The following SYT3 variants were observed in gnomAD, a reference collection of about 807,000 sequenced individuals.
SYT3 encodes synaptotagmin 3, also known as synaptotagmin-3.
Under a neutral mutation model 50.6 loss-of-function variants are expected in SYT3, and 25 were observed. The ratio of observed to expected loss-of-function variants is 0.49; its 90% CI spans 0.36 to 0.69. The LOEUF (loss-of-function observed/expected upper bound fraction) is 0.69, where lower values mean the gene tolerates loss of function less well. Among genes scored for constraint, SYT3 ranks in the 30% least tolerant of loss-of-function variants. SYT3 has a pLI of 0.00. For missense variants in SYT3, 589 were observed against 793.6 expected (o/e 0.74, Z 3.10); for synonymous variants, 323 against 353.9 (o/e 0.91, Z 0.98).
At chr19:50,649,664 G>A in the SYT3 span, 1 of 886,848 alleles carries the variant, frequency 1.1e-6, no homozygotes, top group South Asian at 1.4e-5. Flanking sequence ...TTCCTGGAGA[G>A]CGGCCCCCTT....
Position 50,632,696 on chromosome 19 carries a change from G to T in SYT3, c.264C>A (p.Gly88=). The T allele has an allele frequency of 6.3e-7, 1 of 1,592,120 alleles. No individual in the cohort carries two copies. Among genetic ancestry groups the T allele is most frequent in the South Asian group, 1.1e-5 (1 of 89,922 alleles). The change falls in exon 4 of 11, where the codon GGC becomes GGA. Residue 88 remains glycine, a synonymous_variant. Transcript: ENST00000600079. This position sits in a 1 kb window ranked among gnomAD's most constrained non-coding sequence, Gnocchi z 4.7. ...LCWVPWRDKG[G]SAVGGGPLRK... is the part of the protein sequence containing the mutation. Reference sequence around the variant, plus strand: ...GCAGGGGGCCACCGCCCACTGCCGAGCCTCCCTTGTCCCGCCAGGGCACCC... The same window carrying T: ...GCAGGGGGCCACCGCCCACTGCCGATCCTCCCTTGTCCCGCCAGGGCACCC...
chr19:50,631,415 C>T (rs1225722130), intron 4 of SYT3, among the ~76,000 whole-genome samples: 3 of 152,046 alleles, frequency 2.0e-5, no homozygotes, highest in Non-Finnish European at 2.9e-5. Flanking sequence ...CTGCCCACTT[C>T]GGCCTCCCAA....
In SYT3 at chr19:50,637,494, G is replaced by A. The variant is rs919035069; in HGVS notation, c.-15-68C>T. The A allele has an allele frequency of 1.1e-5, 16 of 1,424,206 alleles. No individual in the cohort carries two copies. Among genetic ancestry groups the A allele is most frequent in the Non-Finnish European group, 1.5e-5 (16 of 1,044,814 alleles). 88.2% of individuals were successfully genotyped at this position (1,424,206 alleles called of 1,614,324 possible). A position where few individuals can be genotyped will look rare whatever the true frequency, so the allele number is the denominator to read the frequency against. On this transcript the variant is annotated intron_variant, in intron 2 of 10. Transcript: ENST00000600079. The surrounding 1 kb of genome is among the most constrained non-coding windows in gnomAD (Gnocchi z 4.9). Reference sequence around the variant, plus strand: ...GAATGGGAGTGCAGGGTGGGCAGGTGTGGAGATAAGGGTGGAAAGAGACAC... The same window carrying A: ...GAATGGGAGTGCAGGGTGGGCAGGTATGGAGATAAGGGTGGAAAGAGACAC...
At chr19:50,656,186 C>A in the SYT3 span, 4 of 1,536,114 alleles carry the variant, frequency 2.6e-6, no homozygotes, top group South Asian at 3.6e-5. Flanking sequence ...GGCAGTGAAC[C>A]CTGACCTCAG....
At chr19:50,652,736 G>A in the SYT3 span, among the ~76,000 whole-genome samples, 2 of 152,154 alleles carry the variant, frequency 1.3e-5, no homozygotes, top group East Asian at 3.8e-4. Flanking sequence ...TCCTGGGAGG[G>A]TTTTGAGGAA....
At chr19:50,634,264 C>G (rs1422479299) in intron 3 of SYT3, among the ~76,000 whole-genome samples, 1 of 152,172 alleles carries the variant, frequency 6.6e-6, no homozygotes, top group Non-Finnish European at 1.5e-5. Flanking sequence ...TCCTGACAGA[C>G]AGTGGGTTAT....
At chr19:50,642,348 C>T (rs371277962), upstream of SYT3, among the ~76,000 whole-genome samples, 70 of 152,372 alleles carry the variant, frequency 4.6e-4, 1 homozygote, top group African/African-American at 5.3e-4. Context: ...TCCAAAGAGA[C>T]GCTCGGATTC....
At chr19:50,631,502 G>A (rs994337427) in intron 4 of SYT3, among the ~76,000 whole-genome samples, 1 of 152,094 alleles carries the variant, frequency 6.6e-6, no homozygotes, top group African/African-American at 2.4e-5. Flanking sequence ...TCATGCCTTG[G>A]TGACTAAGGC....
chr19:50,656,278 C>G, the SYT3 span: 1 of 1,536,074 alleles, frequency 6.5e-7, no homozygotes, highest in Admixed American at 2.0e-5. Context: ...GGACCGAGAA[C>G]TCCCGTGCAT....
At chr19:50,630,294 C>G in intron 4 of SYT3, 123 bp from the exon 5 acceptor site, 1 of 1,005,096 alleles carries the variant, frequency 9.9e-7, no homozygotes, top group Admixed American at 3.0e-5. Context: ...CCACAAGTCC[C>G]CTCCTTTGCT....
chr19:50,656,085 A>T, the SYT3 span: 1 of 1,536,016 alleles, frequency 6.5e-7, no homozygotes, highest in Non-Finnish European at 8.7e-7. Flanking sequence ...CCCAGAGGAG[A>T]TGCAGGCTCG....
chr19:50,646,068 A>T, the SYT3 span, among the ~76,000 whole-genome samples: 2 of 152,180 alleles, frequency 1.3e-5, no homozygotes, highest in South Asian at 4.1e-4. Context: ...GCAGAGAGAG[A>T]TGCAGAGGAG....
At chr19:50,630,284 C>T in intron 4 of SYT3, 113 bp from the exon 5 acceptor site, 1 of 1,081,752 alleles carries the variant, frequency 9.2e-7, no homozygotes, top group Admixed American at 3.0e-5. Context: ...AGCCAGGTGG[C>T]CACAAGTCCC....
At chr19:50,649,750 T>C in the SYT3 span, 4 of 637,172 alleles carry the variant, frequency 6.3e-6, no homozygotes, top group African/African-American at 5.4e-5. Context: ...ACATTTCCCA[T>C]GAGCCTCTGG....
chr19:50,635,401 A>G (rs1984465387), intron 3 of SYT3, among the ~76,000 whole-genome samples: 1 of 152,206 alleles, frequency 6.6e-6, no homozygotes, highest in Non-Finnish European at 1.5e-5. Flanking sequence ...CAAAACATGA[A>G]TCCCACAAAC....
chr19:50,648,992 C>G, the SYT3 span, among the ~76,000 whole-genome samples: 16 of 150,156 alleles, frequency 1.1e-4, no homozygotes, highest in African/African-American at 2.7e-4. Flanking sequence ...CAAGGAGGGA[C>G]GGGGGCCTGG....
chr19:50,636,639 TG>T (rs1375521530), intron 3 of SYT3, among the ~76,000 whole-genome samples: 5 of 152,348 alleles, frequency 3.3e-5, no homozygotes, highest in African/African-American at 1.2e-4. Flanking sequence ...TGTGTGACCT[TG>T]GACAGGTCAC....
chr19:50,624,836 G>A, intron 9 of SYT3: 1 of 235,090 alleles, frequency 4.3e-6, no homozygotes, highest in Non-Finnish European at 8.2e-6. Context: ...ACAGGCGTGA[G>A]CCACCACGCC....
At chr19:50,657,543 A>T in the SYT3 span, among the ~76,000 whole-genome samples, 2 of 152,228 alleles carry the variant, frequency 1.3e-5, no homozygotes, top group Non-Finnish European at 2.9e-5. Context: ...TATGACCCTT[A>T]TCTTTTGACT....
Sources: allele counts gnomAD v4.1 joint callset (sites outside exome capture counted in the v4.1 genomes callset), GRCh38; gene constraint gnomAD v4.1.1; non-coding constraint Gnocchi (gnomAD v3.1); transcripts MANE v1.5; gene names NCBI Gene and HGNC (gene_info 2026-07-23, HGNC 2026-07-21).